Variants in TBC1D22A observed in about 807,000 individuals in gnomAD.
TBC1D22A encodes TBC1 domain family member 22A, also known as putative GTPase activator.
A neutral mutation model predicts 60.2 loss-of-function variants in TBC1D22A; 38 were observed. The observed-to-expected ratio is 0.63, with a 90% CI of 0.49 to 0.83. The LOEUF (loss-of-function observed/expected upper bound fraction) is 0.83, where lower values mean the gene tolerates loss of function less well. Among genes scored for constraint, TBC1D22A ranks in the 40% least tolerant of loss-of-function variants. The pLI, the probability that TBC1D22A is intolerant of heterozygous loss-of-function variation, is 0.00. For missense variants in TBC1D22A, 628 were observed against 701.0 expected (o/e 0.90, Z 1.18); for synonymous variants, 302 against 281.7 (o/e 1.07, Z -0.72).
intron 3 of TBC1D22A, 82 bp downstream of exon 3, chr22:46,793,923 T>G (rs1356950847): frequency 1.5e-6 from 2 of 1,302,052 alleles, no homozygotes; most frequent in Non-Finnish European, 2.1e-6. Flanking sequence ...TGTGGGAGAA[T>G]CAGTGGGTTC....
In TBC1D22A at chr22:47,165,272, G is replaced by A. The variant is rs187463181; in HGVS notation, c.1426-8226G>A. Among the ~76,000 whole-genome samples, 8 of 152,276 alleles carry A rather than the reference G, an allele frequency of 5.3e-5. No homozygotes were observed. In the East Asian group the frequency reaches 1.5e-3, roughly 29 times the overall value. Reference sequence around the variant, plus strand: ...TCCAGGGGGTGCGCGGACCCCTTCAGCCCTCATGGCACCTGCGAAGGGCTC... The same window carrying A: ...TCCAGGGGGTGCGCGGACCCCTTCAACCCTCATGGCACCTGCGAAGGGCTC... On this transcript the variant is annotated intron_variant, in intron 12 of 12. Coordinates refer to ENST00000337137, the MANE Select transcript of TBC1D22A (RefSeq NM_014346.5).
chr22:46,968,071 G>T (rs1184013480), intron 8 of TBC1D22A, among the ~76,000 whole-genome samples: 3 of 152,238 alleles, frequency 2.0e-5, no homozygotes, highest in Admixed American at 6.5e-5. Context: ...GGGTGGCCTT[G>T]TGGTGACGGG....
chr22:46,801,285 A>G lies in TBC1D22A; in HGVS notation c.637+3665A>G, dbSNP rs569781544. Among the ~76,000 whole-genome samples the G allele has an allele frequency of 1.2e-4, 18 of 152,358 alleles. No homozygotes were observed. The South Asian group carries it at 1.4e-3, about 12-fold the overall frequency. ...TATAAGGCAGTTAAGATAGCTTTGG[A>G]AGACAGTGGAATGTACTTTCTTCAC... On this transcript the variant is annotated intron_variant, in intron 4 of 12. Coordinates refer to ENST00000337137, the MANE Select transcript of TBC1D22A (RefSeq NM_014346.5).
At chr22:47,061,019 T>C (rs2063554385) in intron 11 of TBC1D22A, among the ~76,000 whole-genome samples, 1 of 152,222 alleles carries the variant, frequency 6.6e-6, no homozygotes. Context: ...ACCGCTCGCA[T>C]GCGACCTCCT....
chr22:46,954,148 C>A (rs531303851), intron 8 of TBC1D22A, among the ~76,000 whole-genome samples: 1 of 152,152 alleles, frequency 6.6e-6, no homozygotes, highest in African/African-American at 2.4e-5. Flanking sequence ...CAGACAGGTC[C>A]ACAGTAGCAA....
At chr22:47,047,078 AG>A (rs2148429747) in intron 11 of TBC1D22A, among the ~76,000 whole-genome samples, 1 of 152,270 alleles carries the variant, frequency 6.6e-6, no homozygotes, top group East Asian at 1.9e-4. Context: ...GCCCCAGAGG[AG>A]GGCTTGGTTT....
chr22:46,773,973 A>C (rs1424625352), intron 1 of TBC1D22A: 9 of 985,406 alleles, frequency 9.1e-6, no homozygotes, highest in Non-Finnish European at 1.1e-5. Context: ...TATCTCCTCC[A>C]TTCCCTAGGG....
intron 11 of TBC1D22A, among the ~76,000 whole-genome samples, chr22:47,097,442 C>T (rs1167087696): frequency 2.0e-5 from 3 of 152,030 alleles, no homozygotes; most frequent in East Asian, 3.9e-4. Flanking sequence ...GGTGAAACCC[C>T]ATCTCTACTA....
chr22:46,795,734 A>G (rs2084623508), intron 3 of TBC1D22A, among the ~76,000 whole-genome samples: 1 of 152,244 alleles, frequency 6.6e-6, no homozygotes, highest in Admixed American at 6.5e-5. Context: ...TAAGCTTTGC[A>G]GCAGCACTAG....
intron 11 of TBC1D22A, among the ~76,000 whole-genome samples, chr22:47,092,798 A>G (rs901580909): frequency 2.0e-5 from 3 of 152,244 alleles, no homozygotes; most frequent in Non-Finnish European, 2.9e-5. Context: ...TGCTTCAAAG[A>G]AAAAATAATC....
chr22:46,898,603 A>G (rs146117252), intron 7 of TBC1D22A, among the ~76,000 whole-genome samples: 6 of 152,290 alleles, frequency 3.9e-5, no homozygotes, highest in South Asian at 4.1e-4. Flanking sequence ...TGCATGTTAC[A>G]TAAGATAACC....
intron 10 of TBC1D22A, 25 bp downstream of exon 10, chr22:46,997,734 C>T: frequency 6.2e-7 from 1 of 1,611,220 alleles, no homozygotes; most frequent in Non-Finnish European, 8.5e-7. Flanking sequence ...CGCGCAGCCC[C>T]TCTCTGTGGG....
intron 11 of TBC1D22A, among the ~76,000 whole-genome samples, chr22:47,103,984 C>T (rs2065521109): frequency 6.6e-6 from 1 of 152,116 alleles, no homozygotes; most frequent in African/African-American, 2.4e-5. Flanking sequence ...AATGGCAAAG[C>T]TGTCCTTTGT....
intron 11 of TBC1D22A, among the ~76,000 whole-genome samples, chr22:47,096,108 G>T (rs1440754844): frequency 6.6e-6 from 1 of 152,172 alleles, no homozygotes; most frequent in Non-Finnish European, 1.5e-5. Context: ...TTATTACCCA[G>T]CTTTAGCAAG....
intron 4 of TBC1D22A, among the ~76,000 whole-genome samples, chr22:46,875,959 C>A (rs972886593): frequency 6.6e-6 from 1 of 152,080 alleles, no homozygotes; most frequent in Non-Finnish European, 1.5e-5. Flanking sequence ...CTCATGACCC[C>A]CCCTGTCATT....
chr22:47,035,993 T>A (rs189680268), intron 10 of TBC1D22A, among the ~76,000 whole-genome samples: 10 of 152,316 alleles, frequency 6.6e-5, no homozygotes, highest in Admixed American at 1.3e-4. Context: ...CTGGTATTTG[T>A]TTATTTGCCA....
At chr22:47,079,250 C>T (rs1339967174) in intron 11 of TBC1D22A, among the ~76,000 whole-genome samples, 1 of 152,042 alleles carries the variant, frequency 6.6e-6, no homozygotes, top group East Asian at 1.9e-4. Flanking sequence ...GCATGCCCAG[C>T]TAACTTTTGT....
chr22:47,171,228 A>G (rs1216275705), intron 12 of TBC1D22A, among the ~76,000 whole-genome samples: 2 of 152,114 alleles, frequency 1.3e-5, no homozygotes, highest in African/African-American at 2.4e-5. Context: ...ATTCCCCTCC[A>G]TGCCAGTCTT....
chr22:46,928,249 T>C (rs1415049264), intron 8 of TBC1D22A, among the ~76,000 whole-genome samples: 1 of 152,246 alleles, frequency 6.6e-6, no homozygotes, highest in Non-Finnish European at 1.5e-5. Flanking sequence ...TGGAGTAGAA[T>C]TGAGAGGCCA....
Sources: gnomAD v4.1 joint callset for allele counts (sites outside exome capture counted in the v4.1 genomes callset) on GRCh38, gnomAD v4.1.1 for gene constraint, MANE v1.5 for transcripts, NCBI Gene and HGNC (gene_info 2026-07-23, HGNC 2026-07-21) for gene names.